SOS2: variants seen among roughly 807,000 people sequenced by gnomAD.
SOS2 encodes the protein son of sevenless homolog 2.
Under a neutral mutation model 148.2 loss-of-function variants are expected in SOS2, and 65 were observed. The ratio of observed to expected loss-of-function variants is 0.44; its 90% CI spans 0.36 to 0.54. The LOEUF (loss-of-function observed/expected upper bound fraction) is 0.54, where lower values mean the gene tolerates loss of function less well. Ranked by LOEUF, SOS2 falls within the 20% of genes least tolerant of loss-of-function variation. The pLI is 0.00. For synonymous variants in SOS2, 539 were observed against 537.1 expected (o/e 1.00, Z -0.05); for missense variants, 1,341 against 1,590.2 (o/e 0.84, Z 2.67).
In SOS2 at chr14:50,118,543, G is replaced by A; in HGVS notation, c.3800C>T (p.Ser1267Phe). The change falls in exon 23 of 23, where the codon TCT becomes TTT. Residue 1267 changes from serine to phenylalanine, a missense_variant. Ser to Phe is a radical substitution (Grantham distance 155, BLOSUM62 -2). Around this residue, in one of 4 missense-constraint regions of SOS2, gnomAD observed 354 missense variants for 347.7 expected, o/e 1.02. Coordinates refer to ENST00000216373, the MANE Select transcript of SOS2 (RefSeq NM_006939.4). ...ATAGCATCGACGCGGTACCCTTGGAGAGGGTGTGCTAGGAGGAGTGCTTGG... is the reference window on the plus strand; with the variant it reads ...ATAGCATCGACGCGGTACCCTTGGAAAGGGTGTGCTAGGAGGAGTGCTTGG... ...NSPSTPPSTP[S>F]PRVPRRCYVL... is the part of the protein sequence containing the mutation. The A allele has an allele frequency of 1.2e-6, 2 of 1,613,888 alleles. No individual in the cohort carries two copies. The highest frequency in any genetic ancestry group is 1.1e-5 in the South Asian group (1 of 91,072).
chr14:50,218,529 AAAAAAC>A (rs1239042531), intron 1 of SOS2, among the ~76,000 whole-genome samples: 4 of 152,128 alleles, frequency 2.6e-5, no homozygotes, highest in African/African-American at 9.7e-5. Flanking sequence ...TCCCCCCAAA[AAAAAAC>A]AAAAACAAAA....
intron 1 of SOS2, among the ~76,000 whole-genome samples, chr14:50,223,540 T>C (rs1887262235): frequency 6.6e-6 from 1 of 151,758 alleles, no homozygotes. Context: ...CTGGGCGTGG[T>C]GGCACACGCC....
chr14:50,217,828 C>T (rs1287660938), intron 1 of SOS2, among the ~76,000 whole-genome samples: 9 of 151,996 alleles, frequency 5.9e-5, no homozygotes, highest in South Asian at 2.1e-4. Flanking sequence ...TGGTGGCGGG[C>T]GCCTGTAGTC....
At chr14:50,126,058 C>A (rs1033241936) in intron 21 of SOS2, among the ~76,000 whole-genome samples, 1 of 152,094 alleles carries the variant, frequency 6.6e-6, no homozygotes, top group East Asian at 1.9e-4. Context: ...CAATAAGTGC[C>A]ATGGATATAG....
In SOS2 at chr14:50,158,603, A is replaced by G; in HGVS notation, c.1896T>C (p.Phe632=). The G allele has an allele frequency of 1.2e-6, 2 of 1,610,046 alleles. No homozygotes were observed. Among genetic ancestry groups the G allele is most frequent in the Non-Finnish European group, 1.7e-6 (2 of 1,177,836 alleles). Residue 632 remains phenylalanine, a synonymous_variant, in exon 11 of 23, where the codon TTT becomes TTC. Transcript: ENST00000216373. The part of the protein sequence containing the change: ...VRTFLTTYRS[F]CKPQELLSLL... The stretch of plus-strand genomic sequence containing the variant: ...AGCTCAGCAATTCCTGTGGTTTACA[A>G]AATGAACGATATGTGGTAAGAAAAG...
chr14:50,123,380 CT>C (rs34222143), intron 21 of SOS2, among the ~76,000 whole-genome samples: 97 of 118,460 alleles, frequency 8.2e-4, no homozygotes, highest in African/African-American at 1.9e-3. Flanking sequence ...CACCAGAGGG[CT>C]TTTTTTTTTT....
chr14:50,153,039 T>C (rs747590189), intron 13 of SOS2, 31 bp downstream of exon 13: 5 of 1,029,440 alleles, frequency 4.9e-6, no homozygotes, highest in East Asian at 4.8e-5. Context: ...ATGTTCAATA[T>C]AAGATTCAAT....
intron 4 of SOS2, among the ~76,000 whole-genome samples, chr14:50,191,352 C>T (rs1298876586): frequency 6.6e-6 from 1 of 152,058 alleles, no homozygotes; most frequent in Non-Finnish European, 1.5e-5. Flanking sequence ...ACCTGCGGTC[C>T]TAACTACTCT....
At chr14:50,151,122 G>T (rs1884649077) in intron 13 of SOS2, among the ~76,000 whole-genome samples, 1 of 152,220 alleles carries the variant, frequency 6.6e-6, no homozygotes, top group Non-Finnish European at 1.5e-5. Flanking sequence ...GCCTCCCAAA[G>T]TGTTGGGATT....
chr14:50,195,759 G>A (rs994926910), intron 4 of SOS2, among the ~76,000 whole-genome samples: 2 of 151,730 alleles, frequency 1.3e-5, no homozygotes, highest in African/African-American at 2.4e-5. Context: ...AGCTGGGTGT[G>A]GTGGCTCAAG....
intron 22 of SOS2, among the ~76,000 whole-genome samples, chr14:50,119,526 T>A (rs1883427480): frequency 1.3e-5 from 2 of 152,096 alleles, no homozygotes; most frequent in Non-Finnish European, 2.9e-5. Flanking sequence ...CTTTTTTATT[T>A]TTTTATTTTT....
At chr14:50,162,232 G>C (rs1249522465) in intron 8 of SOS2, among the ~76,000 whole-genome samples, 2 of 151,950 alleles carry the variant, frequency 1.3e-5, no homozygotes, top group African/African-American at 4.8e-5. Flanking sequence ...GCTAACTGCA[G>C]CCTCGATCTC....
intron 1 of SOS2, among the ~76,000 whole-genome samples, chr14:50,218,942 G>C (rs891056963): frequency 2.0e-5 from 3 of 151,882 alleles, no homozygotes; most frequent in Non-Finnish European, 4.4e-5. Flanking sequence ...GTGAAACCCT[G>C]TCTCTACTAA....
intron 16 of SOS2, among the ~76,000 whole-genome samples, chr14:50,144,213 T>C (rs1884387648): frequency 6.6e-6 from 1 of 152,020 alleles, no homozygotes; most frequent in South Asian, 2.1e-4. Context: ...TAAATTATGA[T>C]TTATCCATGA....
chr14:50,192,812 C>T (rs1208401611), intron 4 of SOS2, among the ~76,000 whole-genome samples: 1 of 151,556 alleles, frequency 6.6e-6, no homozygotes, highest in Non-Finnish European at 1.5e-5. Flanking sequence ...TGCAGTGAGC[C>T]AAGATCACGC....
intron 21 of SOS2, among the ~76,000 whole-genome samples, chr14:50,122,390 G>T (rs111280715): frequency 0.021 from 1,246 of 60,530 alleles, 21 homozygotes; most frequent in African/African-American, 0.098. Flanking sequence ...AGAACCCTGG[G>T]CTTTTTTTTT....
chr14:50,129,959 A>C lies in SOS2; in HGVS notation c.3379+2T>G, dbSNP rs1197765632. ...TTAAGAATCAACTTAAATTATACTT[A>C]CTTGAATGTGGCAAAAGCACTGGAG... is the stretch of plus-strand genomic sequence containing the variant. On this transcript the variant is annotated splice_donor_variant, in intron 21 of 22. Transcript: ENST00000216373. LOFTEE classifies it high-confidence loss of function. The C allele has an allele frequency of 6.4e-7, 1 of 1,565,060 alleles. No individual in the cohort carries two copies. The highest frequency in any genetic ancestry group is 1.7e-5 in the Admixed American group (1 of 58,398).
chr14:50,177,044 C>T (rs927727053), intron 7 of SOS2, among the ~76,000 whole-genome samples: 1 of 152,000 alleles, frequency 6.6e-6, no homozygotes, highest in Non-Finnish European at 1.5e-5. Context: ...TGGCCCAAAG[C>T]CTTAAGTTCT....
At chr14:50,141,267 C>A (rs539513023) in intron 16 of SOS2, among the ~76,000 whole-genome samples, 1 of 148,372 alleles carries the variant, frequency 6.7e-6, no homozygotes, top group Non-Finnish European at 1.5e-5. Flanking sequence ...CACCTGTAAT[C>A]CCAGCACTTT....
Sources: gnomAD v4.1 joint callset for allele counts (sites outside exome capture counted in the v4.1 genomes callset) on GRCh38, gnomAD v4.1.1 for gene constraint, gnomAD v4.1.1 regional missense constraint, MANE v1.5 for transcripts, NCBI Gene and HGNC (gene_info 2026-07-23, HGNC 2026-07-21) for gene names.